The following C10orf90 variants were observed in gnomAD, a reference collection of about 807,000 sequenced individuals.
C10orf90 encodes (E2-independent) E3 ubiquitin-conjugating enzyme FATS.
Under a neutral mutation model 62.5 loss-of-function variants are expected in C10orf90, and 56 were observed. The ratio of observed to expected loss-of-function variants is 0.90; its 90% CI spans 0.72 to 1.12. The LOEUF (loss-of-function observed/expected upper bound fraction) is 1.12. Ranked by LOEUF, C10orf90 falls within the 50% of genes most tolerant of loss-of-function variation. The pLI, the probability that C10orf90 is intolerant of heterozygous loss-of-function variation, is 0.00. For synonymous variants in C10orf90, 386 were observed against 340.4 expected (o/e 1.13, Z -1.47); for missense variants, 970 against 880.4 (o/e 1.10, Z -1.29).
In C10orf90 at chr10:126,464,988, T is replaced by C. The variant is rs1860201602; in HGVS notation, c.1535-2A>G. ...TTCCAGAAAATACTTTTGTGTGTACTAAAAATAAAACGAGAGTTGTGCTCA... is the reference window on the plus strand; with the variant it reads ...TTCCAGAAAATACTTTTGTGTGTACCAAAAATAAAACGAGAGTTGTGCTCA... On this transcript the variant is annotated splice_acceptor_variant, in intron 4 of 9. Coordinates refer to ENST00000488181, the MANE Select transcript of C10orf90 (RefSeq NM_001350921.2). LOFTEE classifies it high-confidence loss of function. 3 of 1,591,846 alleles carry C rather than the reference T, an allele frequency of 1.9e-6. No homozygotes were observed. Among genetic ancestry groups the C allele is most frequent in the Non-Finnish European group, 1.7e-6 (2 of 1,162,180 alleles).
chr10:126,464,748 A>G lies in C10orf90; in HGVS notation c.1773T>C (p.Cys591=). The stretch of plus-strand genomic sequence containing the variant: ...CACCATTGTCTTCCTGCAGAGATGC[A>G]CATACATCTTGTAAGGGGCAAAGAA... The part of the protein sequence containing the change: ...PGFLCPLQDV[C]ASLQEDNGVQ... Residue 591 remains cysteine (C), a synonymous_variant, in exon 5 of 10, where the codon TGT becomes TGC. Coordinates refer to ENST00000488181, the MANE Select transcript of C10orf90 (RefSeq NM_001350921.2). 1.9e-6 allele frequency: 3 copies of G among 1,614,136 alleles called. No homozygotes were observed. Among genetic ancestry groups the G allele is most frequent in the Non-Finnish European group, 1.7e-6 (2 of 1,180,024 alleles).
chr10:126,524,220 A>G (rs1034750360), intron 2 of C10orf90, among the ~76,000 whole-genome samples: 3 of 152,204 alleles, frequency 2.0e-5, no homozygotes, highest in African/African-American at 7.2e-5. Flanking sequence ...TCTTAAAACC[A>G]TCTTTAAAAA....
rs1014549060 is a variant in C10orf90, at chr10:126,504,894, T to C, written c.597A>G (p.Leu199=). The part of the protein sequence containing the change: ...SGVNIHRAFA[L]LPGRLGIPAP... ...CCGGGATTCCTAATCTGCCCGGAAGTAACGCAAATGCTCTGTGAATGTTGA... is the reference window on the plus strand; with the variant it reads ...CCGGGATTCCTAATCTGCCCGGAAGCAACGCAAATGCTCTGTGAATGTTGA... The change falls in exon 4 of 10, where the codon TTA becomes TTG. Residue 199 remains leucine (L), a synonymous_variant. Transcript: ENST00000488181. This position sits in a 1 kb window ranked among gnomAD's most constrained non-coding sequence, Gnocchi z 4.1. 1 of 1,614,138 alleles carries C rather than the reference T, an allele frequency of 6.2e-7. No homozygotes were observed. The highest frequency in any genetic ancestry group is 1.7e-5 in the Admixed American group (1 of 60,024).
At chr10:126,510,166 T>C (rs1021865018) in intron 3 of C10orf90, among the ~76,000 whole-genome samples, 1 of 152,160 alleles carries the variant, frequency 6.6e-6, no homozygotes, top group African/African-American at 2.4e-5. Flanking sequence ...TACCTCCCAA[T>C]GCAGTCACAT....
chr10:126,656,465 G>A lies in C10orf90; in HGVS notation c.241-9828C>T, dbSNP rs141621521. Among the ~76,000 whole-genome samples, 350 of 152,302 alleles carry A rather than the reference G, an allele frequency of 2.3e-3. 2 individuals are homozygous for A. The highest frequency in any genetic ancestry group is 7.9e-3 in the African/African-American group (329 of 41,554). On this transcript the variant is annotated intron_variant, in intron 1 of 9. Transcript: ENST00000488181. ...TGAAAAATTGAAGAGTTAATGAATG[G>A]AAGAGTCAGGATTCATATCCAAGGT...
At chr10:126,486,063 C>T (rs1022396207) in intron 4 of C10orf90, among the ~76,000 whole-genome samples, 1 of 152,124 alleles carries the variant, frequency 6.6e-6, no homozygotes, top group Non-Finnish European at 1.5e-5. Context: ...GAGAACAAAT[C>T]CAACTGCCTT....
chr10:126,504,279 A>T lies in C10orf90; in HGVS notation c.1212T>A (p.Asp404Glu). 6.2e-7 allele frequency: 1 copy of T among 1,614,194 alleles called. No individual in the cohort carries two copies. The highest frequency in any genetic ancestry group is 1.3e-5 in the African/African-American group (1 of 75,054). The change falls in exon 4 of 10, where the codon GAT becomes GAA. Residue 404 changes from aspartate (D) to glutamate (E), a missense_variant. By Grantham distance (45) the Asp-to-Glu change is conservative. Coordinates refer to ENST00000488181, the MANE Select transcript of C10orf90 (RefSeq NM_001350921.2). This position sits in a 1 kb window ranked among gnomAD's most constrained non-coding sequence, Gnocchi z 4.1. Reference protein sequence around the residue: ...SSHRLTADGVDGLVNREPISE... With the variant: ...SSHRLTADGVEGLVNREPISE... ...TTATTGGCTCTCTGTTCACTAGGCC[A>T]TCTACTCCATCTGCTGTTAATCTGT...
chr10:126,657,090 G>T (rs768907887), intron 1 of C10orf90, among the ~76,000 whole-genome samples: 1 of 152,018 alleles, frequency 6.6e-6, no homozygotes, highest in Admixed American at 6.6e-5. Context: ...TCTGCATAGG[G>T]GCCAGTACTC....
chr10:126,640,103 G>A (rs954091161), intron 2 of C10orf90, among the ~76,000 whole-genome samples: 14 of 152,214 alleles, frequency 9.2e-5, no homozygotes, highest in African/African-American at 3.1e-4. Flanking sequence ...CAGGAAGCAG[G>A]AGTAAATGCG....
chr10:126,433,774 T>C (rs1012192122), intron 7 of C10orf90, among the ~76,000 whole-genome samples: 5 of 152,156 alleles, frequency 3.3e-5, no homozygotes, highest in African/African-American at 1.2e-4. Context: ...ATCTATAAAA[T>C]TACTCTTAAT....
At chr10:126,445,728 A>G (rs1858722797) in intron 7 of C10orf90, among the ~76,000 whole-genome samples, 1 of 151,790 alleles carries the variant, frequency 6.6e-6, no homozygotes, top group African/African-American at 2.4e-5. Context: ...TGTTTATAGC[A>G]GCACAATTTG....
chr10:126,614,706 G>A (rs1197962245), intron 2 of C10orf90, among the ~76,000 whole-genome samples: 1 of 152,190 alleles, frequency 6.6e-6, no homozygotes, highest in Non-Finnish European at 1.5e-5. Context: ...AAGAACAGCA[G>A]TGAATAGAGA....
intron 1 of C10orf90, among the ~76,000 whole-genome samples, chr10:126,657,975 T>G (rs1458712266): frequency 5.9e-5 from 9 of 152,126 alleles, no homozygotes; most frequent in Admixed American, 6.6e-5. Context: ...TGGGGCATGC[T>G]GGGGGCAGAG....
intron 2 of C10orf90, among the ~76,000 whole-genome samples, chr10:126,608,338 C>A (rs1845358789): frequency 6.6e-6 from 1 of 152,138 alleles, no homozygotes. Flanking sequence ...TCTCAAACTC[C>A]TGGACTCAAG....
At chr10:126,512,338 ATGTGTGTGTGTCTG>A (rs1385847640) in intron 3 of C10orf90, among the ~76,000 whole-genome samples, 12 of 100,252 alleles carry the variant, frequency 1.2e-4, no homozygotes, top group Non-Finnish European at 2.2e-4. Context: ...ATGTGTGTGT[ATGTGTGTGTGTCTG>A]TGTGTGTGTG....
intron 2 of C10orf90, among the ~76,000 whole-genome samples, chr10:126,625,310 T>C (rs1164056967): frequency 6.6e-6 from 1 of 152,166 alleles, no homozygotes; most frequent in African/African-American, 2.4e-5. Context: ...CCAAGCAGGA[T>C]TGCAGAACTT....
intron 4 of C10orf90, among the ~76,000 whole-genome samples, chr10:126,494,954 T>C (rs907593833): frequency 2.6e-5 from 4 of 152,216 alleles, no homozygotes; most frequent in Non-Finnish European, 5.9e-5. Context: ...TACCCATGAA[T>C]AGCTGAGAAA....
At chr10:126,666,731 C>A (rs538589075) in intron 1 of C10orf90, among the ~76,000 whole-genome samples, 1 of 152,152 alleles carries the variant, frequency 6.6e-6, no homozygotes, top group African/African-American at 2.4e-5. Flanking sequence ...GTAATCCCAG[C>A]ACTTTGGGAG....
chr10:126,582,377 T>C (rs941205500), intron 2 of C10orf90, among the ~76,000 whole-genome samples: 1 of 152,224 alleles, frequency 6.6e-6, no homozygotes, highest in Non-Finnish European at 1.5e-5. Flanking sequence ...GATGGATCTC[T>C]ACGGTTTCTT....
Sources: gnomAD v4.1 joint callset for allele counts (sites outside exome capture counted in the v4.1 genomes callset) on GRCh38, gnomAD v4.1.1 for gene constraint, Gnocchi (gnomAD v3.1) non-coding constraint, MANE v1.5 for transcripts, NCBI Gene and HGNC (gene_info 2026-07-23, HGNC 2026-07-21) for gene names.